Variants in RUBCN observed in about 807,000 individuals in gnomAD.
RUBCN encodes the protein run domain Beclin-1-interacting and cysteine-rich domain-containing protein.
Under a neutral mutation model 113.2 loss-of-function variants are expected in RUBCN, and 74 were observed. The observed-to-expected ratio is 0.65, with a 90% CI of 0.54 to 0.79. RUBCN has a LOEUF of 0.79. Ranked by LOEUF, RUBCN falls within the 30% of genes least tolerant of loss-of-function variation. The probability of loss-of-function intolerance (pLI) is 0.00; values close to 1 mark genes in which losing one functional copy is unlikely to be tolerated. For missense variants in RUBCN, 1,109 were observed against 1,251.7 expected (o/e 0.89, Z 1.72); for synonymous variants, 480 against 490.0 (o/e 0.98, Z 0.27).
chr3:197,700,663 C>A lies in RUBCN; in HGVS notation c.1211G>T (p.Ser404Ile), dbSNP rs367720811. The change falls in exon 7 of 20, where the codon AGC becomes ATC. Residue 404 changes from serine (S) to isoleucine (I), a missense_variant. Physicochemically the swap from Ser to Ile is moderately radical, Grantham distance 142 (BLOSUM62 -2). Around this residue, in one of 3 missense-constraint regions of RUBCN, gnomAD observed 736 missense variants for 779.6 expected, o/e 0.94. Transcript: ENST00000296343. ...GGTATCCGAATGGGAGCGAATGTGGCTTTTCTTTGCCCCACTGGTGACAGT... is the reference window on the plus strand; with the variant it reads ...GGTATCCGAATGGGAGCGAATGTGGATTTTCTTTGCCCCACTGGTGACAGT... ...TLTVTSGAKKSHIRSHSDTSI... is the reference protein window; with the variant it reads ...TLTVTSGAKKIHIRSHSDTSI... 146 of 1,613,996 alleles carry A rather than the reference C, an allele frequency of 9.0e-5. No individual in the cohort carries two copies. The highest frequency in any genetic ancestry group is 1.1e-4 in the Non-Finnish European group (134 of 1,180,030).
intron 11 of RUBCN, among the ~76,000 whole-genome samples, chr3:197,687,378 C>T (rs1421986282): frequency 1.3e-5 from 2 of 152,208 alleles, no homozygotes; most frequent in Non-Finnish European, 2.9e-5. Context: ...ATCAACGTTC[C>T]TTTTTATCTG....
rs1307081281 is a variant in RUBCN, at chr3:197,673,545, G to A, written c.*1473C>T. On this transcript the variant is annotated 3_prime_UTR_variant, in exon 20 of 20. Coordinates refer to ENST00000296343, the MANE Select transcript of RUBCN (RefSeq NM_014687.4). ...TTAGTTCACAGAGCTGCCAGCTCTT[G>A]GAGAAGCCACTCTGACCAGTGTTTT... 1 of 152,254 alleles carries A rather than the reference G, an allele frequency of 6.6e-6. No homozygotes were observed. The highest frequency in any genetic ancestry group is 2.4e-5 in the African/African-American group (1 of 41,454). The allele number at this position is 152,254 out of a possible 1,614,324, so 9.4% of individuals were successfully genotyped here. A position where few individuals can be genotyped will look rare whatever the true frequency, so the allele number is the denominator to read the frequency against.
At chr3:197,747,482 A>C (rs896352240) in intron 1 of RUBCN, among the ~76,000 whole-genome samples, 3 of 151,956 alleles carry the variant, frequency 2.0e-5, no homozygotes, top group African/African-American at 7.3e-5. Context: ...CGGCCTCCCA[A>C]AGTGCTGGGA....
intron 2 of RUBCN, among the ~76,000 whole-genome samples, chr3:197,706,892 G>C (rs1724360848): frequency 6.6e-6 from 1 of 152,134 alleles, no homozygotes; most frequent in African/African-American, 2.4e-5. Context: ...AGGCTCTTTT[G>C]ACAATAAACA....
intron 2 of RUBCN, among the ~76,000 whole-genome samples, chr3:197,709,578 C>G (rs1253735717): frequency 1.3e-5 from 2 of 151,966 alleles, no homozygotes; most frequent in Non-Finnish European, 2.9e-5. Context: ...CGGGGTTTCT[C>G]CATGTTGGTC....
chr3:197,691,882 T>C (rs566094329), intron 11 of RUBCN, among the ~76,000 whole-genome samples: 10 of 152,142 alleles, frequency 6.6e-5, no homozygotes, highest in Non-Finnish European at 1.2e-4. Context: ...TAACAGTAAA[T>C]AGATATTTTG....
intron 1 of RUBCN, among the ~76,000 whole-genome samples, chr3:197,736,120 G>GC (rs879924071): frequency 1.4e-4 from 22 of 151,982 alleles, no homozygotes; most frequent in Admixed American, 4.6e-4. Context: ...CCACCGCACT[G>GC]CCATGACACT....
At chr3:197,705,285 T>C (rs1324698069) in intron 2 of RUBCN, 110 bp from the exon 3 acceptor site, 1 of 945,946 alleles carries the variant, frequency 1.1e-6, no homozygotes, top group African/African-American at 1.6e-5. Context: ...CCTTGCCTCA[T>C]CAAAGGTTCT....
At position 197,736,779 on chromosome 3, in the gene RUBCN, G is replaced by C; in HGVS notation, c.-60C>G. 3 of 1,507,440 alleles carry C rather than the reference G, an allele frequency of 2.0e-6. No homozygotes were observed. Among genetic ancestry groups the C allele is most frequent in the South Asian group, 1.2e-5 (1 of 81,442 alleles). 93.4% of individuals were successfully genotyped at this position (1,507,440 alleles called of 1,614,324 possible). A position where few individuals can be genotyped will look rare whatever the true frequency, so the allele number is the denominator to read the frequency against. ...GGCGTCCCTGCCGCTTCGCCCTTCAGGGCTCCCGGGGCCCCCTGGGGCCGG... is the reference window on the plus strand; with the variant it reads ...GGCGTCCCTGCCGCTTCGCCCTTCACGGCTCCCGGGGCCCCCTGGGGCCGG... On this transcript the variant is annotated 5_prime_UTR_variant, in exon 1 of 20. Transcript: ENST00000296343.
chr3:197,684,121 T>A lies in RUBCN; in HGVS notation c.1847+36A>T, dbSNP rs193248567. 4 of 1,520,448 alleles carry A rather than the reference T, an allele frequency of 2.6e-6. No individual in the cohort carries two copies. The East Asian group carries it at 9.0e-5, about 34-fold the overall frequency. The allele number at this position is 1,520,448 out of a possible 1,614,324, so 94.2% of individuals were successfully genotyped here. A position where few individuals can be genotyped will look rare whatever the true frequency, so the allele number is the denominator to read the frequency against. On this transcript the variant is annotated intron_variant, in intron 12 of 19. Coordinates refer to ENST00000296343, the MANE Select transcript of RUBCN (RefSeq NM_014687.4). ...TTTGTTTCTCTACATATCCTAAGGT[T>A]TTCTTTTCTTTTTTTTGGTAAAAAA... is the stretch of plus-strand genomic sequence containing the variant.
chr3:197,711,026 A>AT (rs2108937457), intron 2 of RUBCN, among the ~76,000 whole-genome samples: 1 of 152,318 alleles, frequency 6.6e-6, no homozygotes, highest in South Asian at 2.1e-4. Flanking sequence ...GGGTTTCACC[A>AT]TATTGGCCAG....
intron 18 of RUBCN, 191 bp downstream of exon 18, chr3:197,676,693 CG>C: frequency 1.4e-6 from 2 of 1,444,020 alleles, no homozygotes; most frequent in Non-Finnish European, 1.8e-6. Context: ...TCCCCTCACT[CG>C]AGGTTCTTTA....
chr3:197,686,729 C>G (rs1721896458), intron 11 of RUBCN, among the ~76,000 whole-genome samples: 1 of 152,220 alleles, frequency 6.6e-6, no homozygotes, highest in East Asian at 1.9e-4. Flanking sequence ...CCGAGACACT[C>G]AGCATCCAAG....
chr3:197,670,033 C>T lies in RUBCN; in HGVS notation c.*4985G>A, dbSNP rs931510146. 4.6e-5 allele frequency among the ~76,000 whole-genome samples: 7 copies of T among 152,152 alleles called. No homozygotes were observed. Among genetic ancestry groups the T allele is most frequent in the African/African-American group, 7.2e-5 (3 of 41,446 alleles). On this transcript the variant is annotated 3_prime_UTR_variant, in exon 20 of 20. Coordinates refer to ENST00000296343, the MANE Select transcript of RUBCN (RefSeq NM_014687.4). ...CCTCGCGAGTAGCTGGGATTACAGG[C>T]GCCCGCCATCATGCCCAACTAGCTT...
intron 2 of RUBCN, among the ~76,000 whole-genome samples, chr3:197,713,570 ATGT>A (rs1725186932): frequency 6.6e-6 from 1 of 152,152 alleles, no homozygotes; most frequent in African/African-American, 2.4e-5. Context: ...AGTTTTGGTA[ATGT>A]TGTGCTCGGG....
chr3:197,717,904 CT>C, intron 2 of RUBCN, 72 bp downstream of exon 2: 2 of 1,572,442 alleles, frequency 1.3e-6, no homozygotes, highest in Non-Finnish European at 1.7e-6. Flanking sequence ...CCTTCATCTC[CT>C]CCCTGCCAAT....
intron 5 of RUBCN, among the ~76,000 whole-genome samples, chr3:197,702,620 G>A (rs926155324): frequency 6.6e-6 from 1 of 152,146 alleles, no homozygotes; most frequent in African/African-American, 2.4e-5. Flanking sequence ...CCAAGATCAT[G>A]CCACTGCATT....
chr3:197,682,782 G>A (rs1194658378), intron 13 of RUBCN, among the ~76,000 whole-genome samples, 167 bp from the exon 14 acceptor site: 1 of 152,174 alleles, frequency 6.6e-6, no homozygotes, highest in East Asian at 1.9e-4. Context: ...CCATGACAGA[G>A]CATAATGAGT....
At chr3:197,723,417 C>T (rs1305059032) in intron 1 of RUBCN, among the ~76,000 whole-genome samples, 1 of 152,108 alleles carries the variant, frequency 6.6e-6, no homozygotes, top group Non-Finnish European at 1.5e-5. Flanking sequence ...AACTCTTGAC[C>T]TCAAGTGACC....
Sources: gnomAD v4.1 joint callset for allele counts (sites outside exome capture counted in the v4.1 genomes callset) on GRCh38, gnomAD v4.1.1 for gene constraint, gnomAD v4.1.1 regional missense constraint, MANE v1.5 for transcripts, NCBI Gene and HGNC (gene_info 2026-07-23, HGNC 2026-07-21) for gene names.